EPS15L1: variants seen among roughly 807,000 people sequenced by gnomAD.
EPS15L1 encodes epidermal growth factor receptor pathway substrate 15 like 1, also known as epidermal growth factor receptor substrate 15-like 1.
A neutral mutation model predicts 117.1 loss-of-function variants in EPS15L1; 43 were observed. The observed-to-expected ratio is 0.37, with a 90% CI of 0.29 to 0.47. The LOEUF is 0.47. Ranked by LOEUF, EPS15L1 falls within the 20% of genes least tolerant of loss-of-function variation. EPS15L1 has a pLI of 0.99. For synonymous variants in EPS15L1, 459 were observed against 470.5 expected (o/e 0.98, Z 0.32); for missense variants, 981 against 1,164.0 (o/e 0.84, Z 2.29).
chr19:16,430,533 T>TCA (rs2092917321), intron 7 of EPS15L1, among the ~76,000 whole-genome samples: 1 of 152,362 alleles, frequency 6.6e-6, no homozygotes, highest in Admixed American at 6.5e-5. Context: ...ATGTGTGTCT[T>TCA]CACGCAGAGC....
chr19:16,362,722 C>T (rs2092074996), intron 22 of EPS15L1, among the ~76,000 whole-genome samples: 1 of 151,926 alleles, frequency 6.6e-6, no homozygotes, highest in African/African-American at 2.4e-5. Context: ...GTTGCCCAGG[C>T]TAGCCTCAAA....
intron 19 of EPS15L1, among the ~76,000 whole-genome samples, chr19:16,391,460 G>T (rs1187325187): frequency 1.3e-5 from 2 of 152,092 alleles, no homozygotes; most frequent in African/African-American, 4.8e-5. Context: ...GGTCCACAGG[G>T]AGTGAGCGAG....
chr19:16,471,621 G>A lies in EPS15L1; in HGVS notation c.33+292C>T, dbSNP rs2093346969. Among the ~76,000 whole-genome samples, 1 of 152,154 alleles carries A rather than the reference G, an allele frequency of 6.6e-6. No homozygotes were observed. ...CGGGATGCAGCCCAGCGCCTCCGCG[G>A]GTCCCCGGCCTGGGAGCTTCAGCGG... On this transcript the variant is annotated intron_variant, in intron 1 of 23. Transcript: ENST00000455140. This position sits in a 1 kb window ranked among gnomAD's most constrained non-coding sequence, Gnocchi z 4.8.
chr19:16,369,938 G>C (rs1365010566), intron 22 of EPS15L1, among the ~76,000 whole-genome samples: 1 of 152,212 alleles, frequency 6.6e-6, no homozygotes, highest in East Asian at 1.9e-4. Context: ...GGCACGGGGA[G>C]CCCTGACAGG....
intron 16 of EPS15L1, among the ~76,000 whole-genome samples, chr19:16,395,884 G>A (rs2092534561): frequency 6.7e-6 from 1 of 149,454 alleles, no homozygotes; most frequent in African/African-American, 2.5e-5. Context: ...GGTGGAGGTT[G>A]CAGTGAGCTG....
chr19:16,463,514 GATC>G (rs946742611), intron 1 of EPS15L1, among the ~76,000 whole-genome samples: 1 of 152,172 alleles, frequency 6.6e-6, no homozygotes, highest in African/African-American at 2.4e-5. Context: ...TAAGCAGCCA[GATC>G]ATCTAAAGGT....
chr19:16,455,998 C>T (rs764208074), intron 1 of EPS15L1, among the ~76,000 whole-genome samples: 5 of 152,104 alleles, frequency 3.3e-5, no homozygotes, highest in African/African-American at 7.2e-5. Flanking sequence ...GTCAGGAGTT[C>T]GAGACCAGCC....
intron 1 of EPS15L1, among the ~76,000 whole-genome samples, chr19:16,465,986 A>ATTTTT (rs1210019369): frequency 3.2e-5 from 4 of 126,200 alleles, no homozygotes; most frequent in African/African-American, 1.2e-4. Context: ...CACTTTATCT[A>ATTTTT]TTTTTTTTTT....
intron 22 of EPS15L1, among the ~76,000 whole-genome samples, chr19:16,374,587 C>T (rs2092268268): frequency 6.6e-6 from 1 of 152,126 alleles, no homozygotes; most frequent in Non-Finnish European, 1.5e-5. Flanking sequence ...GAGGGAGACA[C>T]GATGGGAGGT....
intron 18 of EPS15L1, among the ~76,000 whole-genome samples, chr19:16,392,988 G>A (rs1406493200): frequency 6.6e-6 from 1 of 151,756 alleles, no homozygotes; most frequent in East Asian, 1.9e-4. Flanking sequence ...GCTGCAGTGA[G>A]CTATAATTGC....
At chr19:16,406,413 G>C (rs1171638423) in intron 13 of EPS15L1, among the ~76,000 whole-genome samples, 2 of 152,222 alleles carry the variant, frequency 1.3e-5, no homozygotes, top group African/African-American at 4.8e-5. Flanking sequence ...TCAGCATCAA[G>C]GTGGTATTTA....
intron 7 of EPS15L1, among the ~76,000 whole-genome samples, chr19:16,432,251 T>C (rs1016602467): frequency 6.6e-6 from 1 of 151,990 alleles, no homozygotes; most frequent in African/African-American, 2.4e-5. Flanking sequence ...CTGACCAACA[T>C]GGTGAAACCC....
rs1217463721 is a variant in EPS15L1 at position 16,370,359 on chromosome 19, C to T, written c.2380+6763G>A. 6.6e-6 allele frequency among the ~76,000 whole-genome samples: 1 copy of T among 152,152 alleles called. No individual in the cohort carries two copies. Among genetic ancestry groups the T allele is most frequent in the Non-Finnish European group, 1.5e-5 (1 of 68,014 alleles). ...GTGCCCAGAGCTGCACCCAGAGCCC[C>T]CTTCTGAGGCGTCTGCCCCAGCCCT... On this transcript the variant is annotated intron_variant, in intron 22 of 23. Transcript: ENST00000455140. This position sits in a 1 kb window ranked among gnomAD's most constrained non-coding sequence, Gnocchi z 5.2.
chr19:16,466,199 G>A (rs566073598), intron 1 of EPS15L1, among the ~76,000 whole-genome samples: 206 of 152,188 alleles, frequency 1.4e-3, no homozygotes, highest in African/African-American at 4.8e-3. Context: ...TGTTGGCCAG[G>A]CTGGTCTTGA....
At position 16,403,763 on chromosome 19, in the gene EPS15L1, G is replaced by A. The variant is rs755432719; in HGVS notation, c.1596C>T (p.Ser532=). ...TGATTTCGTCTTGCGTTGACTTCAG[G>A]GACTTGATGATGGTTTCCAGCTGGA... ...GRVQLETIIK[S]LKSTQDEINQ... The change falls in exon 15 of 24, where the codon TCC becomes TCT. Residue 532 remains serine (S), a synonymous_variant. Transcript: ENST00000455140. 13 of 1,613,464 alleles carry A rather than the reference G, an allele frequency of 8.1e-6. No homozygotes were observed. The highest frequency in any genetic ancestry group is 1.1e-5 in the Non-Finnish European group (13 of 1,180,018).
intron 1 of EPS15L1, 51 bp from the exon 2 acceptor site, chr19:16,442,270 G>GA: frequency 2.0e-6 from 3 of 1,522,972 alleles, no homozygotes; most frequent in Non-Finnish European, 1.8e-6. Flanking sequence ...ACCCCTTGGG[G>GA]AAAAAAAGGG....
intron 6 of EPS15L1, chr19:16,435,401 G>A (rs1398652116): frequency 1.3e-5 from 2 of 152,230 alleles, no homozygotes; most frequent in African/African-American, 4.8e-5. Context: ...CCCGTAAAAG[G>A]GGCCATGAGT....
At chr19:16,374,812 A>G (rs946224899) in intron 22 of EPS15L1, among the ~76,000 whole-genome samples, 1 of 152,268 alleles carries the variant, frequency 6.6e-6, no homozygotes, top group African/African-American at 2.4e-5. Context: ...AAATGTGTGT[A>G]CACGTATGTA....
intron 10 of EPS15L1, among the ~76,000 whole-genome samples, chr19:16,420,301 T>A (rs1198299534): frequency 6.6e-6 from 1 of 152,246 alleles, no homozygotes; most frequent in Admixed American, 6.5e-5. Context: ...GCATGCATTA[T>A]AAATTACTTT....
Sources: allele counts gnomAD v4.1 joint callset (sites outside exome capture counted in the v4.1 genomes callset), GRCh38; gene constraint gnomAD v4.1.1; non-coding constraint Gnocchi (gnomAD v3.1); transcripts MANE v1.5; gene names NCBI Gene and HGNC (gene_info 2026-07-23, HGNC 2026-07-21).